CSMD1: variants seen among roughly 807,000 people sequenced by gnomAD.
The protein encoded by CSMD1 is CUB and Sushi multiple domains 1.
Under a neutral mutation model 417.5 loss-of-function variants are expected in CSMD1, and 213 were observed. The ratio of observed to expected loss-of-function variants is 0.51; its 90% CI spans 0.46 to 0.57. The LOEUF is 0.57. Among genes scored for constraint, CSMD1 ranks in the 20% least tolerant of loss-of-function variants. The pLI is 0.00. For missense variants in CSMD1, 6,923 were observed against 4,529.7 expected, an observed-to-expected ratio of 1.53 and a Z score of -15.17; for synonymous variants, 2,862 against 1,736.8, an observed-to-expected ratio of 1.65 and a Z score of -16.11.
chr8:4,213,454 GT>G (rs1245290530), intron 3 of CSMD1, among the ~76,000 whole-genome samples: 2 of 152,228 alleles, frequency 1.3e-5, no homozygotes, highest in Non-Finnish European at 2.9e-5. Context: ...AACAGGAACA[GT>G]TGCCCGGATA....
At chr8:4,793,308 G>A (rs926857095) in intron 1 of CSMD1, among the ~76,000 whole-genome samples, 3 of 152,066 alleles carry the variant, frequency 2.0e-5, no homozygotes, top group African/African-American at 7.2e-5. Flanking sequence ...TCTCTCAAAT[G>A]ATAACACAGA....
intron 3 of CSMD1, among the ~76,000 whole-genome samples, chr8:4,417,926 T>C (rs527915765): frequency 3.9e-4 from 59 of 152,224 alleles, no homozygotes; most frequent in African/African-American, 1.3e-3. Context: ...GTACTTGCAA[T>C]AAATATTGCT....
intron 3 of CSMD1, among the ~76,000 whole-genome samples, chr8:4,170,943 G>A (rs183882276): frequency 2.0e-5 from 3 of 151,812 alleles, no homozygotes; most frequent in Admixed American, 1.3e-4. Flanking sequence ...GCTGTGTTAC[G>A]CAAATGTCAT....
intron 5 of CSMD1, among the ~76,000 whole-genome samples, chr8:3,848,008 G>A (rs1016816545): frequency 1.3e-5 from 2 of 151,446 alleles, no homozygotes; most frequent in South Asian, 2.1e-4. Flanking sequence ...TCTTGGATGG[G>A]GCACTTCTTT....
intron 1 of CSMD1, among the ~76,000 whole-genome samples, chr8:4,810,046 G>C (rs924148163): frequency 1.3e-5 from 2 of 152,160 alleles, no homozygotes; most frequent in African/African-American, 4.8e-5. Context: ...CAATATAAAT[G>C]TTATACAAAA....
chr8:4,805,713 G>A (rs931745732), intron 1 of CSMD1, among the ~76,000 whole-genome samples: 1 of 152,068 alleles, frequency 6.6e-6, no homozygotes, highest in Non-Finnish European at 1.5e-5. Context: ...ACCTCATAAA[G>A]CATTATATTA....
intron 7 of CSMD1, among the ~76,000 whole-genome samples, chr8:3,662,354 A>G (rs1482194): frequency 0.96 from 146,059 of 152,254 alleles, 70,123 homozygotes; most frequent in East Asian, 1. Context: ...CTCTCTCCCC[A>G]CTCCTCCTCT....
intron 1 of CSMD1, among the ~76,000 whole-genome samples, chr8:4,808,422 A>G (rs1798710598): frequency 3.9e-5 from 6 of 152,240 alleles, no homozygotes; most frequent in Admixed American, 2.6e-4. Context: ...AAAGACGGAA[A>G]CATGGATCTA....
At chr8:3,095,822 A>G (rs1815255764) in intron 47 of CSMD1, among the ~76,000 whole-genome samples, 1 of 152,220 alleles carries the variant, frequency 6.6e-6, no homozygotes, top group Non-Finnish European at 1.5e-5. Context: ...TTTCAAATTG[A>G]CGATTCAACC....
chr8:3,782,528 G>C (rs1247981671), intron 5 of CSMD1, among the ~76,000 whole-genome samples: 1 of 152,198 alleles, frequency 6.6e-6, no homozygotes, highest in Non-Finnish European at 1.5e-5. Flanking sequence ...GATAGCATGA[G>C]GAGAAATACC....
chr8:4,271,174 A>C (rs1804568874), intron 3 of CSMD1, among the ~76,000 whole-genome samples: 1 of 152,116 alleles, frequency 6.6e-6, no homozygotes, highest in African/African-American at 2.4e-5. Context: ...TGCATTACAT[A>C]TGTTTTCATT....
chr8:3,311,094 C>T (rs1273203944), intron 23 of CSMD1, among the ~76,000 whole-genome samples: 1 of 72,758 alleles, frequency 1.4e-5, no homozygotes, highest in Non-Finnish European at 4.5e-5. Flanking sequence ...TGTAATATAC[C>T]TAACTAACTT....
chr8:3,625,015 A>C (rs749974512), intron 7 of CSMD1, among the ~76,000 whole-genome samples: 1 of 152,156 alleles, frequency 6.6e-6, no homozygotes, highest in African/African-American at 2.4e-5. Context: ...TCTTGCAGCC[A>C]TAAGAGGATA....
chr8:4,336,333 G>A (rs1010015057), intron 3 of CSMD1, among the ~76,000 whole-genome samples: 1 of 152,112 alleles, frequency 6.6e-6, no homozygotes, highest in African/African-American at 2.4e-5. Flanking sequence ...CACATTTTTA[G>A]TTAGGAAGCA....
chr8:3,153,018 T>G (rs983627541), intron 39 of CSMD1, among the ~76,000 whole-genome samples: 1 of 152,220 alleles, frequency 6.6e-6, no homozygotes, highest in Non-Finnish European at 1.5e-5. Context: ...TGAAACGTAC[T>G]GGGCTGCATT....
At chr8:4,538,698 A>T (rs1797231819) in intron 2 of CSMD1, among the ~76,000 whole-genome samples, 1 of 152,234 alleles carries the variant, frequency 6.6e-6, no homozygotes, top group Admixed American at 6.5e-5. Flanking sequence ...ACCAACCTGG[A>T]TAAGACACTT....
chr8:4,831,886 A>G (rs1358349399), intron 1 of CSMD1, among the ~76,000 whole-genome samples: 4 of 152,100 alleles, frequency 2.6e-5, no homozygotes, highest in African/African-American at 9.7e-5. Flanking sequence ...GAGGATGAAG[A>G]GGAAGCAGCT....
rs185037104 is a variant in CSMD1 at position 4,404,158 on chromosome 8, G to A, written c.415+15795C>T. On this transcript the variant is annotated intron_variant, in intron 3 of 69. Transcript: ENST00000635120. Reference sequence around the variant, plus strand: ...TCTTTTTCTCAGCGTAGAGCTTTCCGGAACACTCTATTTAATATTGAAACT... The same window carrying A: ...TCTTTTTCTCAGCGTAGAGCTTTCCAGAACACTCTATTTAATATTGAAACT... Among the ~76,000 whole-genome samples the A allele has an allele frequency of 2.0e-3, 300 of 152,172 alleles. 1 individual carries two copies. Among genetic ancestry groups the A allele is most frequent in the African/African-American group, 7.0e-3 (289 of 41,518 alleles).
At chr8:4,485,680 C>G (rs1296351551) in intron 2 of CSMD1, among the ~76,000 whole-genome samples, 2 of 152,044 alleles carry the variant, frequency 1.3e-5, no homozygotes, top group Non-Finnish European at 2.9e-5. Flanking sequence ...TGACCAAAAT[C>G]AAGCTGTTAA....
Sources: allele counts gnomAD v4.1 joint callset (sites outside exome capture counted in the v4.1 genomes callset), GRCh38; gene constraint gnomAD v4.1.1; transcripts MANE v1.5; gene names NCBI Gene and HGNC (gene_info 2026-07-23, HGNC 2026-07-21).